Variants in SMG6 observed in about 807,000 individuals in gnomAD.
The protein encoded by SMG6 is telomerase-binding protein EST1A.
SMG6 carries 66 observed loss-of-function variants against 142.2 expected under a neutral mutation model. The observed-to-expected ratio is 0.46, with a 90% confidence interval of 0.38 to 0.57. SMG6 has a LOEUF of 0.57. SMG6 is among the 20% of genes least tolerant of loss of function. The pLI is 0.00. For missense variants in SMG6, 1,793 were observed against 1,832.0 expected (o/e 0.98, Z 0.39); for synonymous variants, 779 against 702.4 (o/e 1.11, Z -1.72).
At chr17:2,164,443 C>A (rs9892559) in intron 13 of SMG6, among the ~76,000 whole-genome samples, 133,545 of 151,976 alleles carry the variant, frequency 0.88, 59,023 homozygotes, top group African/African-American at 0.97. Context: ...AATGACAATG[C>A]AAACAACAAC....
intron 8 of SMG6, among the ~76,000 whole-genome samples, chr17:2,251,319 G>T (rs1182630002): frequency 6.7e-6 from 1 of 150,038 alleles, no homozygotes; most frequent in Non-Finnish European, 1.5e-5. Flanking sequence ...CAAATGCCTC[G>T]TAGGAAGATG....
At chr17:2,303,447 G>A (rs886943023) in intron 1 of SMG6, 186 bp downstream of exon 1, 103 of 1,302,358 alleles carry the variant, frequency 7.9e-5, no homozygotes, top group Admixed American at 5.0e-4. Flanking sequence ...AGGACTGGCC[G>A]AGCCCGACCC....
chr17:2,300,388 G>A lies in SMG6; in HGVS notation c.365C>T (p.Pro122Leu), dbSNP rs1248984543. Residue 122 changes from proline (P) to leucine (L), a missense_variant, in exon 2 of 19, where the codon CCT (proline) becomes CTT (leucine). This residue lies in a region of SMG6 where 1,597 missense variants were observed against 1,584.6 expected (regional missense o/e 1.01). Coordinates refer to ENST00000263073, the MANE Select transcript of SMG6 (RefSeq NM_017575.5). ...ACGATCCTCTTGTCCAGCAGTCCTA[G>A]GAAAGGATTCTTGTCCCCGATTATT... The part of the protein sequence containing the change: ...PENNRGQESF[P>L]RTAGQEDRSL... 1 of 1,613,872 alleles carries A rather than the reference G, an allele frequency of 6.2e-7. No individual in the cohort carries two copies.
At chr17:2,198,125 G>C (rs371534673) in intron 10 of SMG6, among the ~76,000 whole-genome samples, 1 of 152,140 alleles carries the variant, frequency 6.6e-6, no homozygotes, top group African/African-American at 2.4e-5. Context: ...TGGAATATCC[G>C]TACCAGGGAA....
intron 13 of SMG6, among the ~76,000 whole-genome samples, chr17:2,142,417 G>A (rs1385860025): frequency 6.6e-6 from 1 of 152,114 alleles, no homozygotes; most frequent in Non-Finnish European, 1.5e-5. Context: ...GGCCAAGGCA[G>A]GAGGATCGCT....
At chr17:2,255,197 G>C (rs2074138764) in intron 8 of SMG6, among the ~76,000 whole-genome samples, 1 of 151,740 alleles carries the variant, frequency 6.6e-6, no homozygotes, top group African/African-American at 2.4e-5. Flanking sequence ...GAGGTCAGGA[G>C]ATCGAGACCA....
chr17:2,080,343 G>A (rs1316969617), intron 15 of SMG6, among the ~76,000 whole-genome samples: 6 of 152,046 alleles, frequency 3.9e-5, no homozygotes, highest in Non-Finnish European at 8.8e-5. Context: ...GCTGGAACCC[G>A]GGAGGTGGAG....
intron 13 of SMG6, chr17:2,127,871 T>C: frequency 1.8e-6 from 1 of 562,464 alleles, no homozygotes; most frequent in Non-Finnish European, 3.5e-6. Flanking sequence ...TCCTGCTTCA[T>C]CTTGGTGGCC....
chr17:2,233,933 T>C (rs2073572891), intron 10 of SMG6, among the ~76,000 whole-genome samples: 1 of 152,222 alleles, frequency 6.6e-6, no homozygotes. Context: ...CTGAGTGTTA[T>C]ATCCTGTGGC....
At chr17:2,211,386 C>T (rs1469328478) in intron 10 of SMG6, among the ~76,000 whole-genome samples, 1 of 152,124 alleles carries the variant, frequency 6.6e-6, no homozygotes. Context: ...TTATTTGGGC[C>T]AGGCGCGGTG....
chr17:2,130,684 C>T (rs77796856), intron 13 of SMG6, among the ~76,000 whole-genome samples: 5,202 of 150,900 alleles, frequency 0.034, 268 homozygotes, highest in African/African-American at 0.12. Context: ...GTAAGGTTTC[C>T]TTTTTTTTCA....
rs1182105893 is a variant in SMG6 at position 2,303,674 on chromosome 17, C to T, written c.47G>A (p.Arg16His). 6.7e-6 allele frequency: 10 copies of T among 1,495,630 alleles called. No individual in the cohort carries two copies. The highest frequency in any genetic ancestry group is 8.9e-6 in the Non-Finnish European group (10 of 1,129,108). 92.6% of individuals were successfully genotyped at this position (1,495,630 alleles called of 1,614,324 possible). A position where few individuals can be genotyped will look rare whatever the true frequency, so the allele number is the denominator to read the frequency against. ...CGGGGCCAGAGTAGCCAGGATCCCG[C>T]GCAGCTCCGACGCGGAGATCCGCAC... ...ERVRISASEL[R>H]GILATLAPQA... Residue 16 changes from arginine to histidine, a missense_variant, in exon 1 of 19, where the codon CGC (arginine) becomes CAC (histidine). Coordinates refer to ENST00000263073, the MANE Select transcript of SMG6 (RefSeq NM_017575.5).
chr17:2,302,520 G>A (rs2075304842), intron 1 of SMG6, among the ~76,000 whole-genome samples: 1 of 152,214 alleles, frequency 6.6e-6, no homozygotes, highest in South Asian at 2.1e-4. Context: ...CAGCCTGGGC[G>A]ACAGAGCTAG....
chr17:2,268,713 C>T (rs2074478405), intron 8 of SMG6, among the ~76,000 whole-genome samples: 1 of 151,834 alleles, frequency 6.6e-6, no homozygotes, highest in African/African-American at 2.4e-5. Flanking sequence ...AGATCGAGAC[C>T]ATCCTGGCTA....
At chr17:2,155,680 G>C (rs1311455686) in intron 13 of SMG6, among the ~76,000 whole-genome samples, 1 of 152,166 alleles carries the variant, frequency 6.6e-6, no homozygotes, top group East Asian at 1.9e-4. Flanking sequence ...AGTCCTTCTA[G>C]CACTTTTTGG....
At chr17:2,277,192 A>G (rs1241802251) in intron 8 of SMG6, among the ~76,000 whole-genome samples, 3 of 131,706 alleles carry the variant, frequency 2.3e-5, no homozygotes, top group East Asian at 2.1e-4. Context: ...TTTTTGAGAC[A>G]GAGTCTCGCT....
intron 13 of SMG6, among the ~76,000 whole-genome samples, chr17:2,100,037 CTTTTT>C (rs150310662): frequency 0.036 from 4,816 of 134,844 alleles, 244 homozygotes; most frequent in African/African-American, 0.12. Context: ...TAATTTTTAT[CTTTTT>C]TTTTTTTTTT....
intron 13 of SMG6, among the ~76,000 whole-genome samples, chr17:2,154,777 G>A (rs2070949762): frequency 6.6e-6 from 1 of 152,198 alleles, no homozygotes; most frequent in Non-Finnish European, 1.5e-5. Context: ...CATGGTGGCT[G>A]TAATCACAGC....
chr17:2,208,650 T>C (rs1052453911), intron 10 of SMG6, among the ~76,000 whole-genome samples: 5 of 152,236 alleles, frequency 3.3e-5, no homozygotes, highest in African/African-American at 1.2e-4. Context: ...TTTTTGAAGA[T>C]GAATCAGACA....
Sources: gnomAD v4.1 joint callset for allele counts (sites outside exome capture counted in the v4.1 genomes callset) on GRCh38, gnomAD v4.1.1 for gene constraint, gnomAD v4.1.1 regional missense constraint, MANE v1.5 for transcripts, NCBI Gene and HGNC (gene_info 2026-07-23, HGNC 2026-07-21) for gene names.